KDM7A: variants seen among roughly 807,000 people sequenced by gnomAD.
The protein encoded by KDM7A is lysine demethylase 7A.
A neutral mutation model predicts 114.8 loss-of-function variants in KDM7A; 28 were observed. That is an observed-to-expected ratio of 0.24 (90% CI 0.18 to 0.33). KDM7A has a LOEUF of 0.33. Among genes scored for constraint, KDM7A ranks in the 10% least tolerant of loss-of-function variants. The pLI, the probability that KDM7A is intolerant of heterozygous loss-of-function variation, is 1.00. For synonymous variants in KDM7A, 423 were observed against 397.8 expected, an observed-to-expected ratio of 1.06 and a Z score of -0.75; for missense variants, 942 against 1,142.5, an observed-to-expected ratio of 0.82 and a Z score of 2.53.
chr7:140,094,762 AAT>A (rs2116737400), intron 17 of KDM7A: 1 of 152,668 alleles, frequency 6.6e-6, no homozygotes, highest in Admixed American at 6.5e-5. Flanking sequence ...TTTGTGATCA[AAT>A]AGTTATAAAC....
intron 3 of KDM7A, 104 bp downstream of exon 3, chr7:140,133,435 G>T: frequency 1.5e-6 from 1 of 648,634 alleles, no homozygotes; most frequent in South Asian, 2.2e-5. Flanking sequence ...GGACAATAAT[G>T]GGTTGCAGCC....
chr7:140,169,875 A>T (rs1204110316), intron 1 of KDM7A, among the ~76,000 whole-genome samples: 4 of 152,226 alleles, frequency 2.6e-5, no homozygotes, highest in Non-Finnish European at 5.9e-5. Context: ...GCCTCCAAGT[A>T]GCCTGAGATA....
At chr7:140,157,994 A>ATAAAT (rs1554401230) in intron 1 of KDM7A, among the ~76,000 whole-genome samples, 2 of 137,014 alleles carry the variant, frequency 1.5e-5, no homozygotes, top group African/African-American at 3.0e-5. Flanking sequence ...AAATAAATAA[A>ATAAAT]TAATAATAAT....
intron 1 of KDM7A, among the ~76,000 whole-genome samples, chr7:140,158,703 A>C (rs1794485529): frequency 6.6e-6 from 1 of 152,204 alleles, no homozygotes; most frequent in African/African-American, 2.4e-5. Context: ...GCCATAAAAG[A>C]TCAGGGAGAC....
chr7:140,088,480 T>C lies in KDM7A; in HGVS notation c.*2614A>G. 2.5e-6 allele frequency: 1 copy of C among 398,420 alleles called. No homozygotes were observed. Among genetic ancestry groups the C allele is most frequent in the Non-Finnish European group, 4.4e-6 (1 of 225,876 alleles). 24.7% of individuals were successfully genotyped at this position (398,420 alleles called of 1,614,324 possible). A position where few individuals can be genotyped will look rare whatever the true frequency, so the allele number is the denominator to read the frequency against. ...TCAGTGCTGTCTTCCTAAGTTGCTG[T>C]GTCTGTATGGTATAAATGAGGTTCT... is the stretch of plus-strand genomic sequence containing the variant. On this transcript the variant is annotated 3_prime_UTR_variant, in exon 20 of 20. Transcript: ENST00000397560.
At position 140,094,058 on chromosome 7, in the gene KDM7A, G is replaced by C; in HGVS notation, c.2455C>G (p.Gln819Glu). The change falls in exon 18 of 20, where the codon CAG (glutamine) becomes GAG (glutamate). Residue 819 changes from glutamine to glutamate, a missense_variant and splice_region_variant. Physicochemically the swap from Gln to Glu is conservative, Grantham distance 29. Around this residue, in one of 4 missense-constraint regions of KDM7A, gnomAD observed 512 missense variants for 576.6 expected, o/e 0.89. Transcript: ENST00000397560. Reference protein sequence around the residue: ...KQFDTSRFHPQDLSRSQKCIR... With the variant: ...KQFDTSRFHPEDLSRSQKCIR... Reference sequence around the variant, plus strand: ...AACGTTTCAAACTTTGAATATACCTGAGGATGAAATCTGGAAGTATCAAAC... The same window carrying C: ...AACGTTTCAAACTTTGAATATACCTCAGGATGAAATCTGGAAGTATCAAAC... 2 of 1,552,680 alleles carry C rather than the reference G, an allele frequency of 1.3e-6. No homozygotes were observed. Among genetic ancestry groups the C allele is most frequent in the Non-Finnish European group, 1.8e-6 (2 of 1,123,986 alleles).
chr7:140,119,800 G>T (rs1818590202), intron 8 of KDM7A, among the ~76,000 whole-genome samples: 1 of 152,140 alleles, frequency 6.6e-6, no homozygotes, highest in South Asian at 2.1e-4. Flanking sequence ...TAGCTTCTAG[G>T]GATCTCTATG....
chr7:140,126,640 G>C lies in KDM7A; in HGVS notation c.885C>G (p.Leu295=), dbSNP rs765141431. ...FGGTSVWYHV[L]WGEKIFYLIK... ...ACAAAAAATACCCCAATCTTACCCA[G>C]AGGACATGGTACCAGACTGAAGTTC... is the stretch of plus-strand genomic sequence containing the variant. Residue 295 remains leucine, a synonymous_variant, in exon 6 of 20, where the codon CTC becomes CTG. Coordinates refer to ENST00000397560, the MANE Select transcript of KDM7A (RefSeq NM_030647.2). The C allele has an allele frequency of 4.2e-5, 67 of 1,596,054 alleles. 1 individual carries two copies. Among genetic ancestry groups the C allele is most frequent in the Non-Finnish European group, 5.5e-5 (65 of 1,171,554 alleles).
chr7:140,122,631 C>A (rs1228858485), intron 7 of KDM7A, among the ~76,000 whole-genome samples: 3 of 152,230 alleles, frequency 2.0e-5, no homozygotes, highest in Non-Finnish European at 4.4e-5. Flanking sequence ...GTCACCAAAA[C>A]CAGCACACAG....
chr7:140,156,358 C>T (rs1186475813), intron 1 of KDM7A, among the ~76,000 whole-genome samples: 2 of 152,192 alleles, frequency 1.3e-5, no homozygotes, highest in East Asian at 3.8e-4. Context: ...TGTGAAAAAT[C>T]TGTTATCAAT....
At position 140,120,485 on chromosome 7, in the gene KDM7A, C is replaced by T. The variant is rs1323128416; in HGVS notation, c.1096G>A (p.Gly366Arg). ...VLTSQDCMAF[G>R]GNFLHNLNIG... The stretch of plus-strand genomic sequence containing the variant: ...TTAAGGTTGTGCAGGAAGTTCCCCC[C>T]AAAAGCCATACAGTCCTGAGAAGTG... Residue 366 changes from glycine to arginine, a missense_variant, in exon 8 of 20, where the codon GGG becomes AGG. Gly to Arg is a moderately radical substitution (Grantham distance 125, BLOSUM62 -2). This residue lies in a region of KDM7A where 318 missense variants were observed against 453.1 expected (regional missense o/e 0.70). Coordinates refer to ENST00000397560, the MANE Select transcript of KDM7A (RefSeq NM_030647.2). The T allele has an allele frequency of 6.2e-7, 1 of 1,613,124 alleles. No individual in the cohort carries two copies. Among genetic ancestry groups the T allele is most frequent in the African/African-American group, 1.3e-5 (1 of 74,846 alleles).
At chr7:140,114,346 T>A (rs1467244833) in intron 9 of KDM7A, among the ~76,000 whole-genome samples, 3 of 152,150 alleles carry the variant, frequency 2.0e-5, no homozygotes, top group Non-Finnish European at 4.4e-5. Flanking sequence ...TTTCGTATTT[T>A]TTTGGTGGAG....
intron 1 of KDM7A, among the ~76,000 whole-genome samples, chr7:140,145,368 C>T (rs1031223299): frequency 6.6e-6 from 1 of 152,164 alleles, no homozygotes; most frequent in African/African-American, 2.4e-5. Flanking sequence ...GTCTTAATGG[C>T]TCCCAGCACT....
intron 2 of KDM7A, among the ~76,000 whole-genome samples, chr7:140,137,431 T>C (rs1818889700): frequency 1.3e-5 from 2 of 152,378 alleles, no homozygotes; most frequent in South Asian, 4.1e-4. Flanking sequence ...TGGGACTGTA[T>C]ACTTAAATTC....
intron 9 of KDM7A, 58 bp from the exon 10 acceptor site, chr7:140,113,640 G>A: frequency 2.3e-6 from 2 of 866,784 alleles, no homozygotes; most frequent in Non-Finnish European, 3.7e-6. Flanking sequence ...TAAAGTTAAA[G>A]GGATTAACTT....
chr7:140,137,004 T>C (rs1464080604), intron 2 of KDM7A, among the ~76,000 whole-genome samples: 1 of 117,132 alleles, frequency 8.5e-6, no homozygotes, highest in Admixed American at 8.2e-5. Flanking sequence ...AAAAAATAAA[T>C]TAAAAAAAAA....
chr7:140,113,373 C>T, intron 10 of KDM7A, 118 bp downstream of exon 10: 3 of 511,210 alleles, frequency 5.9e-6, no homozygotes, highest in East Asian at 3.1e-5. Flanking sequence ...TATATAAAGG[C>T]ATGATTTCTA....
chr7:140,103,537 C>G (rs1818273133), intron 11 of KDM7A, among the ~76,000 whole-genome samples: 1 of 151,862 alleles, frequency 6.6e-6, no homozygotes, highest in East Asian at 1.9e-4. Context: ...GTTCAATTCC[C>G]ATCTATGAGT....
chr7:140,156,187 T>G (rs1794456135), intron 1 of KDM7A, among the ~76,000 whole-genome samples: 1 of 151,854 alleles, frequency 6.6e-6, no homozygotes, highest in Non-Finnish European at 1.5e-5. Flanking sequence ...AGGCAGTGTA[T>G]TTTTTTTGAA....
Sources: allele counts gnomAD v4.1 joint callset (sites outside exome capture counted in the v4.1 genomes callset), GRCh38; gene constraint gnomAD v4.1.1; regional missense constraint gnomAD v4.1.1; transcripts MANE v1.5; gene names NCBI Gene and HGNC (gene_info 2026-07-23, HGNC 2026-07-21).